TAFA5: variants seen among roughly 807,000 people sequenced by gnomAD.
TAFA5 encodes chemokine-like protein TAFA-5.
Under a neutral mutation model 15.3 loss-of-function variants are expected in TAFA5, and 6 were observed. The ratio of observed to expected loss-of-function variants is 0.39; its 90% CI spans 0.21 to 0.77. TAFA5 has a LOEUF of 0.77. Among genes scored for constraint, TAFA5 ranks in the 30% least tolerant of loss-of-function variants. The pLI is 0.41. For missense variants in TAFA5, 161 were observed against 193.1 expected, an observed-to-expected ratio of 0.83 and a Z score of 0.98; for synonymous variants, 103 against 80.7, an observed-to-expected ratio of 1.28 and a Z score of -1.48.
At chr22:48,678,302 G>C (rs894494559) in intron 2 of TAFA5, among the ~76,000 whole-genome samples, 2 of 152,200 alleles carry the variant, frequency 1.3e-5, no homozygotes, top group African/African-American at 4.8e-5. Context: ...GGATCCTGCT[G>C]TGCCCCGGGC....
intron 1 of TAFA5, among the ~76,000 whole-genome samples, chr22:48,613,778 T>C (rs956726855): frequency 2.6e-5 from 4 of 152,196 alleles, no homozygotes; most frequent in African/African-American, 9.7e-5. Flanking sequence ...CTGACGTCCT[T>C]CCGGCCCTTC....
At chr22:48,507,499 A>G (rs529186115) in intron 1 of TAFA5, among the ~76,000 whole-genome samples, 1 of 152,286 alleles carries the variant, frequency 6.6e-6, no homozygotes, top group South Asian at 2.1e-4. Flanking sequence ...TCTCTGAAGG[A>G]GCAGCCCTGA....
intron 1 of TAFA5, among the ~76,000 whole-genome samples, chr22:48,498,774 C>T (rs1479104029): frequency 6.6e-6 from 1 of 152,182 alleles, no homozygotes; most frequent in African/African-American, 2.4e-5. Context: ...TGTCTCTGGA[C>T]CTTGCCGCCT....
chr22:48,611,163 G>A (rs1925394883), intron 1 of TAFA5, among the ~76,000 whole-genome samples: 1 of 152,186 alleles, frequency 6.6e-6, no homozygotes, highest in Non-Finnish European at 1.5e-5. Flanking sequence ...TTGCACTCCT[G>A]ACCTCAAGCG....
intron 1 of TAFA5, among the ~76,000 whole-genome samples, chr22:48,578,716 C>G (rs1195198994): frequency 6.6e-6 from 1 of 152,226 alleles, no homozygotes; most frequent in Non-Finnish European, 1.5e-5. Flanking sequence ...GTGGCCTTCA[C>G]CACCCTGGGT....
intron 3 of TAFA5, among the ~76,000 whole-genome samples, chr22:48,714,818 A>ATCAAGTGG: frequency 6.6e-6 from 1 of 152,294 alleles, no homozygotes; most frequent in Non-Finnish European, 1.5e-5. Flanking sequence ...GAGGTCCAAG[A>ATCAAGTGG]TCAAGTGGTC....
At chr22:48,724,766 G>A (rs1248775082) in intron 3 of TAFA5, among the ~76,000 whole-genome samples, 1 of 152,198 alleles carries the variant, frequency 6.6e-6, no homozygotes, top group Non-Finnish European at 1.5e-5. Flanking sequence ...CTAACCGTAG[G>A]ACTTAGAAAC....
At chr22:48,716,691 T>C (rs9628518) in intron 3 of TAFA5, among the ~76,000 whole-genome samples, 9,540 of 152,298 alleles carry the variant, frequency 0.063, 364 homozygotes, top group Admixed American at 0.095. Flanking sequence ...AAAATTTTAA[T>C]AAGAGCCTGG....
Position 48,550,520 on chromosome 22 carries a change from C to G in TAFA5, c.112+60816C>G, listed in dbSNP as rs1183319350. Among the ~76,000 whole-genome samples the G allele has an allele frequency of 6.6e-6, 1 of 152,186 alleles. No individual in the cohort carries two copies. Among genetic ancestry groups the G allele is most frequent in the Admixed American group, 6.5e-5 (1 of 15,282 alleles). ...GGAGCCAGGTGCCCCTGGGAAATGC[C>G]GGCATTGTGTGAAGGAGTGTCTTGT... On this transcript the variant is annotated intron_variant, in intron 1 of 3. Coordinates refer to ENST00000402357, the MANE Select transcript of TAFA5 (RefSeq NM_001082967.3). This position sits in a 1 kb window ranked among gnomAD's most constrained non-coding sequence, Gnocchi z 4.1.
chr22:48,542,481 GT>G (rs1922458876), intron 1 of TAFA5, among the ~76,000 whole-genome samples: 1 of 19,744 alleles, frequency 5.1e-5, no homozygotes, highest in Admixed American at 5.5e-4. Context: ...TGTGTGTGTG[GT>G]GTGTGTGTGG....
intron 2 of TAFA5, among the ~76,000 whole-genome samples, chr22:48,698,198 CAATAATGATGGTGAT>C (rs1273164251): frequency 6.7e-6 from 1 of 149,752 alleles, no homozygotes; most frequent in African/African-American, 2.5e-5. Flanking sequence ...ATGATGGTGA[CAATAATGATGGTGAT>C]GATAATGGCA....
chr22:48,519,681 G>A (rs1467286310), intron 1 of TAFA5, among the ~76,000 whole-genome samples: 2 of 152,194 alleles, frequency 1.3e-5, no homozygotes, highest in Non-Finnish European at 2.9e-5. Context: ...GGCAAATCGC[G>A]TTCTTCTTGG....
chr22:48,645,042 C>T (rs969998707), intron 1 of TAFA5, among the ~76,000 whole-genome samples: 2 of 152,212 alleles, frequency 1.3e-5, no homozygotes, highest in Non-Finnish European at 2.9e-5. Context: ...CGCCGTGGCC[C>T]CAGGGCCCTG....
rs1052637036 is a variant in TAFA5, at chr22:48,750,821, A to G, written c.*974A>G. ...TCATTAAATGTATTTTGCAAAGCCT[A>G]AAGTTATATATTTAACAGTTTTTAT... On this transcript the variant is annotated 3_prime_UTR_variant, in exon 4 of 4. Coordinates refer to ENST00000402357, the MANE Select transcript of TAFA5 (RefSeq NM_001082967.3). 6.6e-6 allele frequency: 1 copy of G among 152,648 alleles called. No homozygotes were observed. Among genetic ancestry groups the G allele is most frequent in the Non-Finnish European group, 1.5e-5 (1 of 68,060 alleles). 9.5% of individuals were successfully genotyped at this position (152,648 alleles called of 1,614,324 possible).
At chr22:48,649,942 G>C (rs972424936) in intron 2 of TAFA5, among the ~76,000 whole-genome samples, 2 of 152,098 alleles carry the variant, frequency 1.3e-5, no homozygotes, top group African/African-American at 4.8e-5. Context: ...GAGCCTCCTG[G>C]TGCCTCAGGA....
At chr22:48,542,161 T>G (rs1056954881) in intron 1 of TAFA5, among the ~76,000 whole-genome samples, 2 of 129,356 alleles carry the variant, frequency 1.5e-5, no homozygotes, top group African/African-American at 5.9e-5. Flanking sequence ...GTGTGGGGGG[T>G]GTGTGTGCAT....
intron 1 of TAFA5, among the ~76,000 whole-genome samples, chr22:48,594,834 C>G (rs1051258815): frequency 2.0e-5 from 3 of 152,118 alleles, no homozygotes; most frequent in Admixed American, 6.5e-5. Context: ...TCTCTCAGCC[C>G]CGGAGGCAAG....
At chr22:48,630,693 C>A (rs1483725782) in intron 1 of TAFA5, among the ~76,000 whole-genome samples, 1 of 152,162 alleles carries the variant, frequency 6.6e-6, no homozygotes. Context: ...CATCAGGGGC[C>A]GCCTAGAAGC....
chr22:48,503,913 G>C, intron 1 of TAFA5, among the ~76,000 whole-genome samples: 1 of 152,116 alleles, frequency 6.6e-6, no homozygotes, highest in Non-Finnish European at 1.5e-5. Flanking sequence ...AGGACCCCGA[G>C]TGTGTGGGGT....
Sources: allele counts gnomAD v4.1 joint callset (sites outside exome capture counted in the v4.1 genomes callset), GRCh38; gene constraint gnomAD v4.1.1; non-coding constraint Gnocchi (gnomAD v3.1); transcripts MANE v1.5; gene names NCBI Gene and HGNC (gene_info 2026-07-23, HGNC 2026-07-21).